The following PLEKHH1 variants were observed in gnomAD, a reference collection of about 807,000 sequenced individuals.
PLEKHH1 encodes the protein pleckstrin homology, MyTH4 and FERM domain containing H1.
PLEKHH1 carries 104 observed loss-of-function variants against 160.0 expected under a neutral mutation model. The ratio of observed to expected loss-of-function variants is 0.65; its 90% CI spans 0.55 to 0.76. The LOEUF is 0.76. Among genes scored for constraint, PLEKHH1 ranks in the 30% least tolerant of loss-of-function variants. The pLI, the probability that PLEKHH1 is intolerant of heterozygous loss-of-function variation, is 0.00. For synonymous variants in PLEKHH1, 619 were observed against 678.4 expected (o/e 0.91, Z 1.36); for missense variants, 1,427 against 1,724.1 (o/e 0.83, Z 3.05).
chr14:67,548,905 A>G (rs1227847305), intron 2 of PLEKHH1, among the ~76,000 whole-genome samples: 1 of 152,074 alleles, frequency 6.6e-6, no homozygotes, highest in East Asian at 1.9e-4. Context: ...TAGTTCAGAA[A>G]TTTTTCTGAG....
Position 67,576,665 on chromosome 14 carries a change from C to T in PLEKHH1, c.2461+162C>T, listed in dbSNP as rs780192922. 2.0e-5 allele frequency among the ~76,000 whole-genome samples: 3 copies of T among 152,158 alleles called. No homozygotes were observed. The highest frequency in any genetic ancestry group is 4.4e-5 in the Non-Finnish European group (3 of 68,026). On this transcript the variant is annotated intron_variant, in intron 17 of 28. Coordinates refer to ENST00000329153, the MANE Select transcript of PLEKHH1 (RefSeq NM_020715.3). The surrounding 1 kb of genome is among the most constrained non-coding windows in gnomAD (Gnocchi z 4.0). ...CCAAGCTCCAGGGCCCCTCTGTCTCCGGCTGAGATACTAAGGTGACCACTC... is the reference window on the plus strand; with the variant it reads ...CCAAGCTCCAGGGCCCCTCTGTCTCTGGCTGAGATACTAAGGTGACCACTC...
At chr14:67,540,403 A>G (rs2033917165) in intron 1 of PLEKHH1, among the ~76,000 whole-genome samples, 1 of 152,084 alleles carries the variant, frequency 6.6e-6, no homozygotes, top group Non-Finnish European at 1.5e-5. Flanking sequence ...AGGCCGGTGG[A>G]TCACTTGAGG....
chr14:67,577,408 C>A lies in PLEKHH1; in HGVS notation c.2568C>A (p.Leu856=). 6.3e-7 allele frequency: 1 copy of A among 1,576,312 alleles called. No homozygotes were observed. Among genetic ancestry groups the A allele is most frequent in the Non-Finnish European group, 8.6e-7 (1 of 1,160,056 alleles). ...CCTTGCAGACGGAGGCCCTCAAGCTCTTCAAGGTAAATTGGGGTGGCGGCC... is the reference window on the plus strand; with the variant it reads ...CCTTGCAGACGGAGGCCCTCAAGCTATTCAAGGTAAATTGGGGTGGCGGCC... ...SEALQTEALK[L]FKSCQLFINV... The change falls in exon 18 of 29, where the codon CTC becomes CTA. Residue 856 remains leucine, a synonymous_variant. Transcript: ENST00000329153.
At chr14:67,557,992 T>C (rs1324679067) in intron 4 of PLEKHH1, among the ~76,000 whole-genome samples, 3 of 152,260 alleles carry the variant, frequency 2.0e-5, no homozygotes, top group African/African-American at 7.2e-5. Flanking sequence ...AGACCAAAGT[T>C]GTTGCCTCCT....
intron 7 of PLEKHH1, 77 bp downstream of exon 7, chr14:67,562,971 C>G: frequency 2.1e-6 from 3 of 1,452,930 alleles, no homozygotes; most frequent in Non-Finnish European, 2.8e-6. Context: ...CAGCCATGCA[C>G]TGAGCAGGAG....
rs570423767 is a variant in PLEKHH1, at chr14:67,573,207, G to A, written c.1729-69G>A. The A allele has an allele frequency of 5.3e-5, 50 of 940,526 alleles. 1 individual carries two copies. In the South Asian group the frequency reaches 6.3e-4, roughly 12 times the overall value. 58.3% of individuals were successfully genotyped at this position (940,526 alleles called of 1,614,324 possible). A position where few individuals can be genotyped will look rare whatever the true frequency, so the allele number is the denominator to read the frequency against. ...GAGTAGTGAGGCAGCTGGACCACTT[G>A]GACCTGTGTGATGTCTAGGAGCCCT... On this transcript the variant is annotated intron_variant, in intron 11 of 28. Coordinates refer to ENST00000329153, the MANE Select transcript of PLEKHH1 (RefSeq NM_020715.3). This position sits in a 1 kb window ranked among gnomAD's most constrained non-coding sequence, Gnocchi z 4.8.
intron 2 of PLEKHH1, among the ~76,000 whole-genome samples, chr14:67,555,256 C>T (rs190188247): frequency 1.1e-4 from 16 of 152,338 alleles, no homozygotes; most frequent in Admixed American, 1.0e-3. Context: ...TTGAGCCTCT[C>T]TTTCTCTTTC....
chr14:67,550,652 A>G (rs2034361520), intron 2 of PLEKHH1, among the ~76,000 whole-genome samples: 1 of 152,248 alleles, frequency 6.6e-6, no homozygotes, highest in Non-Finnish European at 1.5e-5. Flanking sequence ...ACTGCTATAG[A>G]AAATAGAAAA....
At chr14:67,586,475 T>A in intron 28 of PLEKHH1, 1 of 1,181,618 alleles carries the variant, frequency 8.5e-7, no homozygotes, top group Non-Finnish European at 1.1e-6. Flanking sequence ...ATGTTACCCC[T>A]GGGTTCTGCT....
Position 67,562,171 on chromosome 14 carries a change from G to GC in PLEKHH1, c.546dup (p.Tyr183LeufsTer49), listed in dbSNP as rs747500686. The GC allele has an allele frequency of 5.6e-6, 9 of 1,610,938 alleles. No homozygotes were observed. Among genetic ancestry groups the GC allele is most frequent in the Non-Finnish European group, 7.6e-6 (9 of 1,178,256 alleles). Reference sequence around the variant, plus strand: ...TAGCTCCTTCACGGAAGCTGCTGGTGCCCCCCTACGGAGCTGCAGAGCAGG... The same window carrying GC: ...TAGCTCCTTCACGGAAGCTGCTGGTGCCCCCCCTACGGAGCTGCAGAGCAGG... On this transcript the variant is annotated frameshift_variant, in exon 7 of 29. Coordinates refer to ENST00000329153, the MANE Select transcript of PLEKHH1 (RefSeq NM_020715.3). LOFTEE classifies it high-confidence loss of function.
At chr14:67,553,847 T>C (rs1313559012) in intron 2 of PLEKHH1, among the ~76,000 whole-genome samples, 1 of 152,212 alleles carries the variant, frequency 6.6e-6, no homozygotes, top group Non-Finnish European at 1.5e-5. Flanking sequence ...TGCCTGAAAC[T>C]GACCAGAACC....
At chr14:67,567,523 G>A (rs763456486) in intron 7 of PLEKHH1, among the ~76,000 whole-genome samples, 3 of 151,716 alleles carry the variant, frequency 2.0e-5, no homozygotes, top group Non-Finnish European at 4.4e-5. Context: ...TTTTACTTGG[G>A]CTCGATGTAT....
At position 67,562,431 on chromosome 14, in the gene PLEKHH1, A is replaced by G. The variant is rs1045452549; in HGVS notation, c.800A>G (p.Gln267Arg). ...CTGGGAAGAGAGAGCCCTCCCCACC[A>G]GCCATGCATGAAGCTTCTTACCTTC... ...PHLGRESPPH[Q>R]PCMKLLTFRC... The change falls in exon 7 of 29, where the codon CAG becomes CGG. Residue 267 changes from glutamine (Q) to arginine (R), a missense_variant. Physicochemically the swap from Gln to Arg is conservative, Grantham distance 43. Around this residue, in one of 6 missense-constraint regions of PLEKHH1, gnomAD observed 831 missense variants for 929.2 expected, o/e 0.89. Transcript: ENST00000329153. 1.2e-6 allele frequency: 2 copies of G among 1,613,738 alleles called. No individual in the cohort carries two copies. Among genetic ancestry groups the G allele is most frequent in the Non-Finnish European group, 1.7e-6 (2 of 1,179,766 alleles).
Position 67,582,307 on chromosome 14 carries a change from G to A in PLEKHH1, c.3426+97G>A. On this transcript the variant is annotated intron_variant, in intron 24 of 28. Coordinates refer to ENST00000329153, the MANE Select transcript of PLEKHH1 (RefSeq NM_020715.3). The surrounding 1 kb of genome is among the most constrained non-coding windows in gnomAD (Gnocchi z 5.0). ...ACAGGAGAGATTCTGCAGATCCTGT[G>A]GTGCTCAGGAGAGGGCAGCTTTGCC... 1 of 1,587,926 alleles carries A rather than the reference G, an allele frequency of 6.3e-7. No individual in the cohort carries two copies. The highest frequency in any genetic ancestry group is 8.6e-7 in the Non-Finnish European group (1 of 1,167,862).
intron 7 of PLEKHH1, among the ~76,000 whole-genome samples, chr14:67,568,776 G>T (rs944040711): frequency 1.3e-5 from 2 of 152,052 alleles, no homozygotes; most frequent in African/African-American, 4.8e-5. Flanking sequence ...TCTCTAAAAC[G>T]GGTAGGATTC....
At chr14:67,568,936 G>A (rs1454394510) in intron 7 of PLEKHH1, 1 of 550,970 alleles carries the variant, frequency 1.8e-6, no homozygotes, top group East Asian at 3.1e-5. Context: ...ACAGCAGCCT[G>A]AAAGGTAAGT....
rs1385202352 is a variant in PLEKHH1 at position 67,575,696 on chromosome 14, C to T, written c.2170-127C>T. ...CAGCCTGGCTGGGATGCTATAGTCT[C>T]CACCTCCCCATCCTGTCATCGGTCC... On this transcript the variant is annotated intron_variant, in intron 15 of 28. Coordinates refer to ENST00000329153, the MANE Select transcript of PLEKHH1 (RefSeq NM_020715.3). 5.2e-6 allele frequency: 4 copies of T among 772,502 alleles called. No individual in the cohort carries two copies. The African/African-American group carries it at 6.9e-5, about 13-fold the overall frequency. 47.9% of individuals were successfully genotyped at this position (772,502 alleles called of 1,614,324 possible).
chr14:67,537,779 G>C (rs2140312593), intron 1 of PLEKHH1, among the ~76,000 whole-genome samples: 1 of 152,314 alleles, frequency 6.6e-6, no homozygotes, highest in Non-Finnish European at 1.5e-5. Flanking sequence ...CAGACTCTGA[G>C]TCTGGAGTCA....
chr14:67,572,592 C>T (rs548084119), intron 11 of PLEKHH1, among the ~76,000 whole-genome samples: 119 of 147,654 alleles, frequency 8.1e-4, no homozygotes, highest in Admixed American at 1.0e-3. Context: ...GGAATACTAA[C>T]GCAAGCTAAC....
Sources: allele counts gnomAD v4.1 joint callset (sites outside exome capture counted in the v4.1 genomes callset), GRCh38; gene constraint gnomAD v4.1.1; regional missense constraint gnomAD v4.1.1; non-coding constraint Gnocchi (gnomAD v3.1); transcripts MANE v1.5; gene names NCBI Gene and HGNC (gene_info 2026-07-23, HGNC 2026-07-21).